DSE: variants seen among roughly 807,000 people sequenced by gnomAD.
DSE encodes dermatan sulfate epimerase, also known as dermatan-sulfate epimerase.
In DSE, 36 loss-of-function variants were observed where a neutral mutation model predicts 84.4. The ratio of observed to expected loss-of-function variants is 0.43; its 90% confidence interval spans 0.33 to 0.56. The LOEUF (loss-of-function observed/expected upper bound fraction) is 0.56. Among genes scored for constraint, DSE ranks in the 20% least tolerant of loss-of-function variants. The pLI, the probability that DSE is intolerant of heterozygous loss-of-function variation, is 0.06. For missense variants in DSE, 862 were observed against 1,169.6 expected (o/e 0.74, Z 3.84); for synonymous variants, 410 against 430.1 (o/e 0.95, Z 0.58).
chr6:116,294,676 G>T (rs987289220), intron 2 of DSE, among the ~76,000 whole-genome samples: 4 of 152,128 alleles, frequency 2.6e-5, no homozygotes, highest in Non-Finnish European at 5.9e-5. Flanking sequence ...CTGCAAGTGG[G>T]TACCTGAATC....
At chr6:116,390,036 C>CT (rs1780799770) in intron 1 of DSE, among the ~76,000 whole-genome samples, 1 of 150,472 alleles carries the variant, frequency 6.6e-6, no homozygotes, top group Non-Finnish European at 1.5e-5. Flanking sequence ...TTCTTGCCCA[C>CT]TTTGTATTTT....
At chr6:116,352,838 G>A (rs945506889) in intron 2 of DSE, among the ~76,000 whole-genome samples, 1 of 152,168 alleles carries the variant, frequency 6.6e-6, no homozygotes, top group African/African-American at 2.4e-5. Flanking sequence ...AACTCACCTA[G>A]CTTTCCAGCC....
At chr6:116,435,208 A>G (rs950382443) in intron 5 of DSE, among the ~76,000 whole-genome samples, 1 of 152,224 alleles carries the variant, frequency 6.6e-6, no homozygotes, top group Non-Finnish European at 1.5e-5. Context: ...TAGAGTCCAG[A>G]TTCTAACATG....
chr6:116,399,267 G>C lies in DSE; in HGVS notation c.17G>C (p.Arg6Pro). 6.2e-7 allele frequency: 1 copy of C among 1,613,718 alleles called. No homozygotes were observed. The highest frequency in any genetic ancestry group is 8.5e-7 in the Non-Finnish European group (1 of 1,180,014). ...GATGCCACGATGAGGACTCACACACGGGGGGCTCCCAGTGTGTTTTTCATA... is the reference window on the plus strand; with the variant it reads ...GATGCCACGATGAGGACTCACACACCGGGGGCTCCCAGTGTGTTTTTCATA... Reference protein sequence around the residue: MRTHTRGAPSVFFIYL... With the variant: MRTHTPGAPSVFFIYL... Residue 6 changes from arginine to proline, a missense_variant, in exon 2 of 6, where the codon CGG (arginine) becomes CCG (proline). By Grantham distance (103) the Arg-to-Pro change is moderately radical. Around this residue, in one of 4 missense-constraint regions of DSE, gnomAD observed 52 missense variants for 49.6 expected, o/e 1.05. Transcript: ENST00000644252.
At chr6:116,426,415 C>T (rs978231102) in intron 2 of DSE, among the ~76,000 whole-genome samples, 159 bp from the exon 3 acceptor site, 6 of 152,134 alleles carry the variant, frequency 3.9e-5, no homozygotes, top group East Asian at 3.8e-4. Context: ...ACAAACTTTA[C>T]GCTTGTTTCT....
At chr6:116,366,188 G>A (rs976966766), upstream of DSE, 1 of 152,220 alleles carries the variant, frequency 6.6e-6, no homozygotes, top group Non-Finnish European at 1.5e-5. Context: ...AATGTTAAAT[G>A]ACTTGCCTGC....
At chr6:116,278,846 G>A in intron 2 of DSE, 1 of 1,614,082 alleles carries the variant, frequency 6.2e-7, no homozygotes, top group East Asian at 2.2e-5. Flanking sequence ...CTGAAGTAGG[G>A]GTTTCTTCTA....
intron 2 of DSE, among the ~76,000 whole-genome samples, chr6:116,416,205 C>A (rs187288675): frequency 3.9e-5 from 6 of 152,274 alleles, no homozygotes; most frequent in Non-Finnish European, 7.4e-5. Context: ...ATTGGGACCA[C>A]CTGGGTAATC....
At chr6:116,306,274 T>C in intron 2 of DSE, among the ~76,000 whole-genome samples, 1 of 152,212 alleles carries the variant, frequency 6.6e-6, no homozygotes, top group East Asian at 1.9e-4. Flanking sequence ...TTTTTAGATA[T>C]TGAACTTATG....
intron 2 of DSE, among the ~76,000 whole-genome samples, chr6:116,339,477 A>G (rs924882396): frequency 1.3e-5 from 2 of 152,190 alleles, no homozygotes; most frequent in African/African-American, 2.4e-5. Context: ...GAAAACCATC[A>G]TATCTTTTTG....
At chr6:116,305,091 T>C (rs778870130) in intron 2 of DSE, among the ~76,000 whole-genome samples, 26 of 152,058 alleles carry the variant, frequency 1.7e-4, no homozygotes, top group Admixed American at 9.2e-4. Flanking sequence ...TATCCTGTAG[T>C]CCTTGTCACT....
rs112441335 is a variant in DSE at position 116,357,465 on chromosome 6, G to A, written c.-53-41733G>A. ...GAGAAAGGCATGAACCCAGGAGGCA[G>A]AGCTTGCAGTGAGCCGACACCGCGC... is the stretch of plus-strand genomic sequence containing the variant. On this transcript the variant is annotated intron_variant, in intron 2 of 3. Coordinates refer to the DSE transcript ENST00000430252. 8.0e-3 allele frequency among the ~76,000 whole-genome samples: 1,208 copies of A among 151,834 alleles called. 12 individuals carry two copies. Among genetic ancestry groups the A allele is most frequent in the African/African-American group, 0.028 (1,138 of 41,326 alleles).
At position 116,436,912 on chromosome 6, in the gene DSE, G is replaced by A. The variant is rs751773388; in HGVS notation, c.2444G>A (p.Arg815His). 8 of 1,613,944 alleles carry A rather than the reference G, an allele frequency of 5.0e-6. No individual in the cohort carries two copies. The highest frequency in any genetic ancestry group is 4.0e-5 in the African/African-American group (3 of 74,876). ...AAGAAAAACCGAAGGGCAGGCAAAC[G>A]CTATAAATTTGTGGATGCTGTCCCT... is the stretch of plus-strand genomic sequence containing the variant. ...KSKKNRRAGK[R>H]YKFVDAVPDI... Residue 815 changes from arginine (R) to histidine (H), a missense_variant, in exon 6 of 6, where the codon CGC becomes CAC. Transcript: ENST00000644252.
upstream of DSE, among the ~76,000 whole-genome samples, chr6:116,365,804 A>C (rs1476745195): frequency 6.6e-6 from 1 of 152,214 alleles, no homozygotes; most frequent in Non-Finnish European, 1.5e-5. Flanking sequence ...CTATTATAGA[A>C]TACTGCCACG....
intron 2 of DSE, among the ~76,000 whole-genome samples, chr6:116,292,778 T>C (rs1483827789): frequency 6.6e-6 from 1 of 152,182 alleles, no homozygotes; most frequent in Non-Finnish European, 1.5e-5. Context: ...AGGAATAAAT[T>C]GGATCCAAAG....
intron 1 of DSE, chr6:116,257,416 C>A (rs1327519435): frequency 6.6e-6 from 1 of 152,348 alleles, no homozygotes; most frequent in East Asian, 1.9e-4. Context: ...TGAAAAGCCA[C>A]CTTCTTAGAA....
intron 2 of DSE, among the ~76,000 whole-genome samples, chr6:116,281,628 A>G: frequency 6.6e-6 from 1 of 152,262 alleles, no homozygotes; most frequent in East Asian, 1.9e-4. Context: ...ACATACCACA[A>G]ACGATATCTG....
intron 1 of DSE, among the ~76,000 whole-genome samples, chr6:116,391,336 T>A (rs1295929090): frequency 6.6e-6 from 1 of 152,244 alleles, no homozygotes; most frequent in Admixed American, 6.5e-5. Flanking sequence ...TTTTGCTGTG[T>A]GGCCTCAGGT....
exon 2 of DSE, chr6:116,258,881 GCAT>G: frequency 6.2e-7 from 1 of 1,605,758 alleles, no homozygotes; most frequent in Non-Finnish European, 8.5e-7. Flanking sequence ...TTGCAGCCGT[GCAT>G]CATCATGGAG....
Sources: allele counts gnomAD v4.1 joint callset (sites outside exome capture counted in the v4.1 genomes callset), GRCh38; gene constraint gnomAD v4.1.1; regional missense constraint gnomAD v4.1.1; transcripts MANE v1.5; gene names NCBI Gene and HGNC (gene_info 2026-07-23, HGNC 2026-07-21).